Variants in PALM2AKAP2 observed in about 807,000 individuals in gnomAD.
The protein encoded by PALM2AKAP2 is PALM2 and AKAP2 fusion, also known as PALM2-AKAP2 fusion protein.
PALM2AKAP2 carries 37 observed loss-of-function variants against 71.5 expected under a neutral mutation model. The observed-to-expected ratio is 0.52, with a 90% CI of 0.40 to 0.68. PALM2AKAP2 has a LOEUF of 0.68. Ranked by LOEUF, PALM2AKAP2 falls within the 30% of genes least tolerant of loss-of-function variation. The pLI is 0.00. For synonymous variants in PALM2AKAP2, 468 were observed against 478.8 expected, an observed-to-expected ratio of 0.98 and a Z score of 0.29; for missense variants, 1,224 against 1,191.8, an observed-to-expected ratio of 1.03 and a Z score of -0.40.
At chr9:110,032,578 C>A (rs1254329333) in intron 7 of PALM2AKAP2, among the ~76,000 whole-genome samples, 1 of 151,934 alleles carries the variant, frequency 6.6e-6, no homozygotes, top group Non-Finnish European at 1.5e-5. Flanking sequence ...GTAGTCCCAG[C>A]CACTCGGGAG....
upstream of PALM2AKAP2, among the ~76,000 whole-genome samples, chr9:109,778,060 C>A (rs888308216): frequency 5.9e-5 from 9 of 152,206 alleles, no homozygotes; most frequent in Non-Finnish European, 1.3e-4. Context: ...GTTAAAAATA[C>A]AAAACTTAAA....
intron 1 of PALM2AKAP2, among the ~76,000 whole-genome samples, chr9:109,719,226 A>T (rs1445190726): frequency 1.3e-5 from 2 of 152,246 alleles, no homozygotes; most frequent in Non-Finnish European, 2.9e-5. Context: ...AGGTTAATAG[A>T]CAATCACTGT....
chr9:110,005,243 C>A (rs982691395), intron 6 of PALM2AKAP2, among the ~76,000 whole-genome samples: 1 of 152,192 alleles, frequency 6.6e-6, no homozygotes, highest in African/African-American at 2.4e-5. Context: ...TTCCTTCTAA[C>A]AGTCAGGACC....
At chr9:109,906,559 T>C (rs1031486148) in intron 3 of PALM2AKAP2, among the ~76,000 whole-genome samples, 2 of 152,130 alleles carry the variant, frequency 1.3e-5, no homozygotes, top group African/African-American at 4.8e-5. Context: ...GCCACACAAA[T>C]GCAAAAAGGT....
At chr9:109,845,795 C>T (rs1480452571) in intron 1 of PALM2AKAP2, among the ~76,000 whole-genome samples, 1 of 152,178 alleles carries the variant, frequency 6.6e-6, no homozygotes, top group Non-Finnish European at 1.5e-5. Flanking sequence ...AAGTGATCCT[C>T]CCACCTCATC....
intron 2 of PALM2AKAP2, among the ~76,000 whole-genome samples, chr9:109,876,629 G>A (rs950092075): frequency 1.3e-5 from 2 of 152,010 alleles, no homozygotes; most frequent in Admixed American, 1.3e-4. Flanking sequence ...ACAGGTGCTC[G>A]CCACCACACC....
chr9:109,769,161 A>G (rs1829213514), intron 1 of PALM2AKAP2, among the ~76,000 whole-genome samples: 1 of 152,108 alleles, frequency 6.6e-6, no homozygotes, highest in Non-Finnish European at 1.5e-5. Context: ...CCATAAAAAT[A>G]CTAGTTTTTT....
intron 7 of PALM2AKAP2, among the ~76,000 whole-genome samples, chr9:110,039,642 A>T (rs534691880): frequency 6.6e-6 from 1 of 152,286 alleles, no homozygotes; most frequent in Admixed American, 6.5e-5. Flanking sequence ...TAACATTTTG[A>T]TATGCCTTCA....
At chr9:110,065,050 C>G (rs1339795698) in intron 1 of PALM2AKAP2, among the ~76,000 whole-genome samples, 2 of 152,188 alleles carry the variant, frequency 1.3e-5, no homozygotes, top group African/African-American at 4.8e-5. Flanking sequence ...TGGCTTGTCC[C>G]CATCAGTAAG....
intron 5 of PALM2AKAP2, among the ~76,000 whole-genome samples, chr9:109,926,709 T>G (rs1830965941): frequency 3.3e-5 from 5 of 152,062 alleles, no homozygotes; most frequent in Admixed American, 3.3e-4. Flanking sequence ...TCCCTTCCCT[T>G]CTCAAATCAG....
Position 109,998,357 on chromosome 9 carries a change from G to A in PALM2AKAP2, c.497-17597G>A, listed in dbSNP as rs989120624. Among the ~76,000 whole-genome samples the A allele has an allele frequency of 2.0e-5, 3 of 152,262 alleles. No individual in the cohort carries two copies. The Middle Eastern group carries it at 0.01, about 518-fold the overall frequency. On this transcript the variant is annotated intron_variant, in intron 6 of 9. Transcript: ENST00000302798. ...AGGCCGGGCTCCAGACTTCCTCAAAGTTCCTTTGCTGTGTCTATGACAGTG... is the reference window on the plus strand; with the variant it reads ...AGGCCGGGCTCCAGACTTCCTCAAAATTCCTTTGCTGTGTCTATGACAGTG...
intron 1 of PALM2AKAP2, among the ~76,000 whole-genome samples, chr9:110,093,035 C>A (rs982513204): frequency 6.6e-6 from 1 of 152,016 alleles, no homozygotes; most frequent in South Asian, 2.1e-4. Flanking sequence ...GACCACGGTG[C>A]AGAATGAAGG....
At chr9:110,120,111 T>C (rs1835450591) in intron 1 of PALM2AKAP2, among the ~76,000 whole-genome samples, 1 of 152,238 alleles carries the variant, frequency 6.6e-6, no homozygotes, top group South Asian at 2.1e-4. Context: ...TTGCATAGCA[T>C]TCTATTAGTT....
chr9:109,997,231 T>C (rs189918140), intron 6 of PALM2AKAP2, among the ~76,000 whole-genome samples: 122 of 152,122 alleles, frequency 8.0e-4, no homozygotes, highest in African/African-American at 2.8e-3. Flanking sequence ...AAAAAGTAAA[T>C]AAATAAATAT....
chr9:110,010,996 CAAAA>C (rs754903953), intron 6 of PALM2AKAP2, among the ~76,000 whole-genome samples: 1,996 of 54,180 alleles, frequency 0.037, 54 homozygotes, highest in East Asian at 0.12. Flanking sequence ...AACTCTGTCT[CAAAA>C]AAAAAAAAAA....
At chr9:109,857,697 CCT>C (rs977468283) in intron 1 of PALM2AKAP2, among the ~76,000 whole-genome samples, 6 of 152,134 alleles carry the variant, frequency 3.9e-5, no homozygotes, top group African/African-American at 9.7e-5. Context: ...AGTTTCAACC[CCT>C]GTTTGGCCAC....
At chr9:110,081,094 A>G (rs1053386848) in intron 1 of PALM2AKAP2, among the ~76,000 whole-genome samples, 4 of 152,210 alleles carry the variant, frequency 2.6e-5, no homozygotes, top group Non-Finnish European at 2.9e-5. Context: ...TGAAAGATAC[A>G]TATTTAAAGT....
intron 1 of PALM2AKAP2, among the ~76,000 whole-genome samples, chr9:109,798,800 AG>A (rs1409157134): frequency 6.6e-6 from 1 of 152,224 alleles, no homozygotes; most frequent in Non-Finnish European, 1.5e-5. Context: ...TTGTGCCTGA[AG>A]GAGCAGGAAA....
At chr9:109,693,584 C>T (rs985254846) in intron 1 of PALM2AKAP2, among the ~76,000 whole-genome samples, 16 of 152,048 alleles carry the variant, frequency 1.1e-4, no homozygotes, top group African/African-American at 3.1e-4. Context: ...TGATATTCTA[C>T]ACTATAAATT....
Sources: allele counts gnomAD v4.1 joint callset (sites outside exome capture counted in the v4.1 genomes callset), GRCh38; gene constraint gnomAD v4.1.1; transcripts MANE v1.5; gene names NCBI Gene and HGNC (gene_info 2026-07-23, HGNC 2026-07-21).